STX18: variants seen among roughly 807,000 people sequenced by gnomAD.
STX18 encodes the protein syntaxin-18.
A neutral mutation model predicts 50.1 loss-of-function variants in STX18; 40 were observed. That is an observed-to-expected ratio of 0.80 (90% confidence interval 0.62 to 1.04). STX18 has a LOEUF of 1.04. Ranked by LOEUF, STX18 falls within the 50% of genes least tolerant of loss-of-function variation. The pLI, the probability that STX18 is intolerant of heterozygous loss-of-function variation, is 0.00. For missense variants in STX18, 410 were observed against 415.8 expected, an observed-to-expected ratio of 0.99 and a Z score of 0.12; for synonymous variants, 158 against 151.8, an observed-to-expected ratio of 1.04 and a Z score of -0.30.
At chr4:4,446,391 AG>A (rs1318507543) in intron 5 of STX18, among the ~76,000 whole-genome samples, 4 of 152,376 alleles carry the variant, frequency 2.6e-5, no homozygotes, top group Non-Finnish European at 5.9e-5. Flanking sequence ...ACCACAGAAT[AG>A]GAAAAAATAT....
At chr4:4,533,528 C>CT (rs142493229) in intron 1 of STX18, among the ~76,000 whole-genome samples, 357 of 152,342 alleles carry the variant, frequency 2.3e-3, no homozygotes, top group Middle Eastern at 0.014. Context: ...TCAAAAATGA[C>CT]TGAGTTTCCA....
At chr4:4,515,688 T>C (rs193194003) in intron 1 of STX18, among the ~76,000 whole-genome samples, 206 of 152,266 alleles carry the variant, frequency 1.4e-3, no homozygotes, top group African/African-American at 4.5e-3. Flanking sequence ...AGACATTAAG[T>C]GTACAACCCA....
chr4:4,465,613 T>G (rs1228899432), intron 2 of STX18, among the ~76,000 whole-genome samples: 1 of 152,056 alleles, frequency 6.6e-6, no homozygotes, highest in Non-Finnish European at 1.5e-5. Context: ...TGTTGGAGGA[T>G]CAGGGGTGGG....
intron 1 of STX18, among the ~76,000 whole-genome samples, chr4:4,480,537 C>T (rs1034394005): frequency 9.2e-5 from 14 of 152,240 alleles, no homozygotes; most frequent in Non-Finnish European, 1.8e-4. Flanking sequence ...ATGTCACCAT[C>T]TTCTGAGTTT....
At chr4:4,498,989 A>G (rs1203878702) in intron 1 of STX18, among the ~76,000 whole-genome samples, 1 of 152,232 alleles carries the variant, frequency 6.6e-6, no homozygotes, top group Admixed American at 6.5e-5. Flanking sequence ...GGCATATGAA[A>G]CAAAATATAC....
intron 1 of STX18, among the ~76,000 whole-genome samples, chr4:4,506,498 C>A (rs62289850): frequency 6.6e-6 from 1 of 152,064 alleles, no homozygotes; most frequent in Non-Finnish European, 1.5e-5. Flanking sequence ...AATGGAGAAC[C>A]GTTTGTGGGT....
chr4:4,531,028 A>G (rs1213115878), intron 1 of STX18, among the ~76,000 whole-genome samples: 6 of 152,194 alleles, frequency 3.9e-5, no homozygotes, highest in Non-Finnish European at 8.8e-5. Context: ...ATTTTAATGT[A>G]TGTATGAAAC....
intron 5 of STX18, among the ~76,000 whole-genome samples, chr4:4,450,521 C>A (rs1177494377): frequency 6.6e-6 from 1 of 152,130 alleles, no homozygotes; most frequent in African/African-American, 2.4e-5. Context: ...CCAGGCTGGT[C>A]CCGAACTCCC....
Position 4,507,927 on chromosome 4 carries a change from C to G in STX18, c.168+33870G>C, listed in dbSNP as rs551912200. The G allele has an allele frequency of 8.1e-6, 4 of 495,102 alleles. No homozygotes were observed. In the Admixed American group the frequency reaches 1.4e-4, roughly 17 times the overall value. 30.7% of individuals were successfully genotyped at this position (495,102 alleles called of 1,614,324 possible). ...AAAGGAAGCATTCCGTATTTACTGC[C>G]TGCTTACCACTGATCGGTCACCATG... On this transcript the variant is annotated intron_variant, in intron 1 of 10. Transcript: ENST00000306200.
chr4:4,497,286 G>A (rs949829950), intron 1 of STX18, among the ~76,000 whole-genome samples: 3 of 152,208 alleles, frequency 2.0e-5, no homozygotes, highest in South Asian at 2.1e-4. Flanking sequence ...ATATGCCAAG[G>A]AGGAGCACAG....
intron 2 of STX18, among the ~76,000 whole-genome samples, chr4:4,464,348 T>C (rs1378090816): frequency 1.3e-5 from 2 of 152,204 alleles, no homozygotes; most frequent in African/African-American, 4.8e-5. Context: ...AATGTTTTTT[T>C]CTCTTTTTCT....
At chr4:4,515,872 T>C (rs566177698) in intron 1 of STX18, among the ~76,000 whole-genome samples, 1 of 152,288 alleles carries the variant, frequency 6.6e-6, no homozygotes, top group South Asian at 2.1e-4. Context: ...GTGCAAATTA[T>C]TGATTTGCAG....
intron 1 of STX18, among the ~76,000 whole-genome samples, chr4:4,513,634 A>G (rs1187580910): frequency 6.6e-6 from 1 of 152,196 alleles, no homozygotes; most frequent in Non-Finnish European, 1.5e-5. Context: ...TGACACACTG[A>G]AAATCTCTAA....
At chr4:4,526,799 T>A (rs1332520040) in intron 1 of STX18, among the ~76,000 whole-genome samples, 2 of 150,660 alleles carry the variant, frequency 1.3e-5, no homozygotes, top group African/African-American at 2.4e-5. Context: ...TGAGACTCTA[T>A]CTCCAAAAAA....
chr4:4,527,381 C>T (rs2108915617), intron 1 of STX18, among the ~76,000 whole-genome samples: 1 of 152,224 alleles, frequency 6.6e-6, no homozygotes, highest in Non-Finnish European at 1.5e-5. Context: ...AAACTTTCTA[C>T]CAGTTAAAAT....
rs570902674 is a variant in STX18 at position 4,483,891 on chromosome 4, C to T, written c.169-12185G>A. Among the ~76,000 whole-genome samples the T allele has an allele frequency of 4.2e-4, 63 of 151,794 alleles. 1 individual carries two copies. The South Asian group carries it at 0.012, about 30-fold the overall frequency. On this transcript the variant is annotated intron_variant, in intron 1 of 10. Transcript: ENST00000306200. ...TTTTTTCCTTTTTGAGACAGAGTGT[C>T]GCTCCTGTTGCCCAGGCTGGAGTGC...
intron 1 of STX18, among the ~76,000 whole-genome samples, chr4:4,527,373 A>T (rs1233102160): frequency 1.3e-5 from 2 of 152,328 alleles, no homozygotes; most frequent in Admixed American, 1.3e-4. Flanking sequence ...ATTTTTTAAA[A>T]CTTTCTACCA....
At chr4:4,512,716 C>G (rs997172353) in intron 1 of STX18, among the ~76,000 whole-genome samples, 90 of 152,126 alleles carry the variant, frequency 5.9e-4, no homozygotes, top group African/African-American at 2.1e-3. Flanking sequence ...GCAGAATACA[C>G]AATATCTAAG....
intron 3 of STX18, among the ~76,000 whole-genome samples, chr4:4,458,382 T>C (rs1429244913): frequency 1.3e-5 from 2 of 152,196 alleles, no homozygotes; most frequent in Non-Finnish European, 2.9e-5. Flanking sequence ...TGTGGGGGAC[T>C]CAGGAGCTCT....
Sources: allele counts gnomAD v4.1 joint callset (sites outside exome capture counted in the v4.1 genomes callset), GRCh38; gene constraint gnomAD v4.1.1; transcripts MANE v1.5; gene names NCBI Gene and HGNC (gene_info 2026-07-23, HGNC 2026-07-21).